DTWD2: variants seen among roughly 807,000 people sequenced by gnomAD.
The protein encoded by DTWD2 is DTW motif tRNA-uridine aminocarboxypropyltransferase 2.
A neutral mutation model predicts 31.8 loss-of-function variants in DTWD2; 39 were observed. That is an observed-to-expected ratio of 1.22 (90% confidence interval 0.95 to 1.60). The LOEUF (loss-of-function observed/expected upper bound fraction) is 1.60. Among genes scored for constraint, DTWD2 ranks in the 40% most tolerant of loss-of-function variants. The pLI, the probability that DTWD2 is intolerant of heterozygous loss-of-function variation, is 0.00. For synonymous variants in DTWD2, 180 were observed against 142.8 expected (o/e 1.26, Z -1.86); for missense variants, 515 against 381.5 (o/e 1.35, Z -2.92).
intron 5 of DTWD2, among the ~76,000 whole-genome samples, chr5:118,843,973 T>C (rs554921962): frequency 3.3e-5 from 5 of 152,332 alleles, no homozygotes; most frequent in African/African-American, 1.2e-4. Context: ...TTAAAAGTGG[T>C]ATAGGATACA....
intron 4 of DTWD2, among the ~76,000 whole-genome samples, chr5:118,867,950 T>C (rs1244649736): frequency 1.3e-5 from 2 of 152,128 alleles, no homozygotes. Flanking sequence ...GAAATCTCAA[T>C]AAACTGCAAA....
At chr5:118,923,684 A>G (rs143203837) in intron 4 of DTWD2, among the ~76,000 whole-genome samples, 1 of 152,292 alleles carries the variant, frequency 6.6e-6, no homozygotes, top group Non-Finnish European at 1.5e-5. Context: ...AGCCTTTTAA[A>G]TAAACTTCAA....
chr5:118,950,359 G>A (rs1257956509), intron 1 of DTWD2, among the ~76,000 whole-genome samples: 1 of 152,162 alleles, frequency 6.6e-6, no homozygotes, highest in Admixed American at 6.5e-5. Flanking sequence ...GTAATGTGGA[G>A]TGGGTAGTCT....
intron 5 of DTWD2, among the ~76,000 whole-genome samples, chr5:118,844,686 C>T (rs931706540): frequency 2.6e-5 from 4 of 152,204 alleles, no homozygotes; most frequent in Admixed American, 2.6e-4. Context: ...TCAAAATCCA[C>T]ATTGTGCTAC....
chr5:118,909,862 T>C (rs1753419483), intron 4 of DTWD2, among the ~76,000 whole-genome samples: 1 of 152,204 alleles, frequency 6.6e-6, no homozygotes, highest in African/African-American at 2.4e-5. Flanking sequence ...TCCATGCCAC[T>C]AGACCTGGTT....
chr5:118,909,042 C>T (rs1753399571), intron 4 of DTWD2, among the ~76,000 whole-genome samples: 1 of 152,176 alleles, frequency 6.6e-6, no homozygotes, highest in Non-Finnish European at 1.5e-5. Context: ...AAGGAAACTC[C>T]CTGACCCGAG....
intron 2 of DTWD2, among the ~76,000 whole-genome samples, chr5:118,940,601 A>G (rs1346163394): frequency 6.6e-6 from 1 of 152,176 alleles, no homozygotes; most frequent in Non-Finnish European, 1.5e-5. Context: ...AATTATCATC[A>G]TCATAACAGC....
chr5:118,859,999 T>C (rs1752223130), intron 4 of DTWD2, among the ~76,000 whole-genome samples: 1 of 151,980 alleles, frequency 6.6e-6, no homozygotes. Flanking sequence ...GCACCTGCAG[T>C]CCCAGATACG....
intron 1 of DTWD2, among the ~76,000 whole-genome samples, chr5:118,978,777 G>C (rs1434122507): frequency 6.6e-6 from 1 of 152,066 alleles, no homozygotes; most frequent in East Asian, 1.9e-4. Flanking sequence ...AGGCCAAGGA[G>C]GGTGGATCAC....
chr5:118,986,894 A>C (rs184852467), intron 1 of DTWD2, among the ~76,000 whole-genome samples: 53 of 152,374 alleles, frequency 3.5e-4, no homozygotes, highest in African/African-American at 1.3e-3. Context: ...ATTTCACCAG[A>C]AATAAGCAAA....
At chr5:118,854,228 A>G (rs940503940) in intron 4 of DTWD2, among the ~76,000 whole-genome samples, 1 of 152,166 alleles carries the variant, frequency 6.6e-6, no homozygotes, top group Non-Finnish European at 1.5e-5. Context: ...GATCCAAATA[A>G]GAATTGTGTT....
At chr5:118,950,965 T>C (rs1580432165) in intron 1 of DTWD2, among the ~76,000 whole-genome samples, 1 of 152,156 alleles carries the variant, frequency 6.6e-6, no homozygotes, top group African/African-American at 2.4e-5. Flanking sequence ...TAAGACGGCC[T>C]TCTGGCCTTT....
intron 1 of DTWD2, among the ~76,000 whole-genome samples, chr5:118,969,451 T>G (rs574161016): frequency 1.3e-5 from 2 of 151,812 alleles, no homozygotes; most frequent in African/African-American, 4.8e-5. Context: ...AGTGTGCCCC[T>G]GGGACAAAGC....
intron 1 of DTWD2, among the ~76,000 whole-genome samples, chr5:118,987,118 A>T (rs957468281): frequency 3.9e-5 from 6 of 152,196 alleles, no homozygotes; most frequent in African/African-American, 1.2e-4. Flanking sequence ...TTTATATTTG[A>T]AACACTTTTC....
At chr5:118,865,305 T>C (rs1329326800) in intron 4 of DTWD2, among the ~76,000 whole-genome samples, 1 of 152,126 alleles carries the variant, frequency 6.6e-6, no homozygotes, top group African/African-American at 2.4e-5. Context: ...TTTATGCAAA[T>C]ACAGCATAAA....
At position 118,837,315 on chromosome 5, in the gene DTWD2, T is replaced by A. The variant is rs1207535611; in HGVS notation, c.*3602A>T. The stretch of plus-strand genomic sequence containing the variant: ...GGGGCAAATTAAATGCAAAGTTTCA[T>A]TCCATCTATAATGCAATATTATTTA... On this transcript the variant is annotated 3_prime_UTR_variant, in exon 6 of 6. Coordinates refer to ENST00000510708, the MANE Select transcript of DTWD2 (RefSeq NM_173666.4). The A allele has an allele frequency of 6.6e-6, 1 of 152,188 alleles. No individual in the cohort carries two copies. Among genetic ancestry groups the A allele is most frequent in the Non-Finnish European group, 1.5e-5 (1 of 68,012 alleles). The allele number at this position is 152,188 out of a possible 1,614,324, so 9.4% of individuals were successfully genotyped here. A position where few individuals can be genotyped will look rare whatever the true frequency, so the allele number is the denominator to read the frequency against.
At chr5:118,929,842 A>T (rs1448479) in intron 3 of DTWD2, among the ~76,000 whole-genome samples, 6 of 152,082 alleles carry the variant, frequency 3.9e-5, no homozygotes, top group Middle Eastern at 6.8e-3. Context: ...ATAATAACTG[A>T]AAGTCTGACA....
chr5:118,864,713 T>C (rs959478913), intron 4 of DTWD2, among the ~76,000 whole-genome samples: 2 of 151,650 alleles, frequency 1.3e-5, no homozygotes, highest in Non-Finnish European at 2.9e-5. Context: ...CTTAAAATAC[T>C]AGTGGCAAAA....
chr5:118,928,551 G>T lies in DTWD2; in HGVS notation c.583C>A (p.Arg195=). Residue 195 remains arginine, a synonymous_variant, in exon 4 of 6, where the codon CGA becomes AGA. Coordinates refer to ENST00000510708, the MANE Select transcript of DTWD2 (RefSeq NM_173666.4). ...TACTAGTTTACCTGTTTGGGATGTCGGAACAAGGAGTTCTTATAGAAAATG... is the reference window on the plus strand; with the variant it reads ...TACTAGTTTACCTGTTTGGGATGTCTGAACAAGGAGTTCTTATAGAAAATG... ...KDIFYKNSLF[R]HPKQVQLKTS... 8 of 1,497,452 alleles carry T rather than the reference G, an allele frequency of 5.3e-6. No homozygotes were observed. Among genetic ancestry groups the T allele is most frequent in the Non-Finnish European group, 7.1e-6 (8 of 1,125,006 alleles). 92.8% of individuals were successfully genotyped at this position (1,497,452 alleles called of 1,614,324 possible).
Sources: gnomAD v4.1 joint callset for allele counts (sites outside exome capture counted in the v4.1 genomes callset) on GRCh38, gnomAD v4.1.1 for gene constraint, MANE v1.5 for transcripts, NCBI Gene and HGNC (gene_info 2026-07-23, HGNC 2026-07-21) for gene names.